Variants in KAT6B observed in about 807,000 individuals in gnomAD.
KAT6B encodes the protein lysine acetyltransferase 6B.
In KAT6B, 10 loss-of-function variants were observed where a neutral mutation model predicts 187.5. That is an observed-to-expected ratio of 0.05 (90% CI 0.03 to 0.09). KAT6B has a LOEUF of 0.09. Ranked by LOEUF, KAT6B falls within the 10% of genes least tolerant of loss-of-function variation. The pLI, the probability that KAT6B is intolerant of heterozygous loss-of-function variation, is 1.00. For missense variants in KAT6B, 1,952 were observed against 2,558.9 expected (o/e 0.76, Z 5.12); for synonymous variants, 861 against 926.8 (o/e 0.93, Z 1.29).
At chr10:74,849,199 C>G (rs1488979909) in intron 3 of KAT6B, among the ~76,000 whole-genome samples, 1 of 152,062 alleles carries the variant, frequency 6.6e-6, no homozygotes, top group Non-Finnish European at 1.5e-5. Flanking sequence ...CCAGGCTGGC[C>G]TTGAACTCCT....
At chr10:74,958,322 T>C (rs1840834647) in intron 3 of KAT6B, among the ~76,000 whole-genome samples, 1 of 152,236 alleles carries the variant, frequency 6.6e-6, no homozygotes, top group Non-Finnish European at 1.5e-5. Flanking sequence ...GCTGAACAAA[T>C]GAAGTTTATT....
intron 3 of KAT6B, among the ~76,000 whole-genome samples, chr10:74,879,846 G>A (rs1360477426): frequency 6.6e-6 from 1 of 152,154 alleles, no homozygotes; most frequent in Non-Finnish European, 1.5e-5. Context: ...TGTAATCCCA[G>A]CACTTTGGGA....
intron 1 of KAT6B, among the ~76,000 whole-genome samples, chr10:74,834,859 C>T (rs1841168081): frequency 6.6e-6 from 1 of 152,202 alleles, no homozygotes. Flanking sequence ...TATACCTGTT[C>T]TAGTCAGGCA....
chr10:74,991,592 G>C (rs1843125958), intron 13 of KAT6B, among the ~76,000 whole-genome samples: 1 of 152,202 alleles, frequency 6.6e-6, no homozygotes. Context: ...CTGTCCACCA[G>C]GATGTGAGCA....
At chr10:74,926,892 G>T (rs926498896) in intron 3 of KAT6B, among the ~76,000 whole-genome samples, 1 of 152,192 alleles carries the variant, frequency 6.6e-6, no homozygotes, top group African/African-American at 2.4e-5. Flanking sequence ...AGTCAGCTCT[G>T]TGTCAATCCT....
intron 3 of KAT6B, among the ~76,000 whole-genome samples, chr10:74,942,807 C>T (rs1175587059): frequency 7.8e-6 from 1 of 127,878 alleles, no homozygotes; most frequent in African/African-American, 3.1e-5. Context: ...TAGCTAATGT[C>T]ATTATTAACA....
chr10:74,915,280 A>G (rs1374992632), intron 3 of KAT6B, among the ~76,000 whole-genome samples: 1 of 152,194 alleles, frequency 6.6e-6, no homozygotes, highest in Non-Finnish European at 1.5e-5. Context: ...TGATAAATGC[A>G]TACTCTCTTC....
intron 4 of KAT6B, among the ~76,000 whole-genome samples, chr10:74,962,176 GTACATA>G (rs1377755813): frequency 1.3e-5 from 2 of 152,166 alleles, no homozygotes; most frequent in Non-Finnish European, 2.9e-5. Context: ...GAAATGCTTT[GTACATA>G]TTTATTCATC....
At chr10:74,862,668 T>A (rs1033028319) in intron 3 of KAT6B, among the ~76,000 whole-genome samples, 9 of 152,196 alleles carry the variant, frequency 5.9e-5, no homozygotes, top group Non-Finnish European at 1.2e-4. Context: ...TAGAGATCGT[T>A]CTGAAGGAGT....
chr10:74,851,416 C>G (rs577324670), intron 3 of KAT6B, among the ~76,000 whole-genome samples: 2 of 151,120 alleles, frequency 1.3e-5, no homozygotes, highest in African/African-American at 4.9e-5. Flanking sequence ...TCACTACAAC[C>G]TCCGCCTCCC....
At chr10:74,839,552 C>T (rs11001177) in intron 2 of KAT6B, among the ~76,000 whole-genome samples, 16,297 of 152,070 alleles carry the variant, frequency 0.11, 1,252 homozygotes, top group South Asian at 0.28. Context: ...TTTTAATGTA[C>T]GTTCGTTTGC....
intron 13 of KAT6B, among the ~76,000 whole-genome samples, chr10:74,990,319 C>A (rs1205240110): frequency 1.3e-5 from 2 of 149,160 alleles, no homozygotes. Context: ...GGACTTTGCA[C>A]AATCTTCATC....
chr10:75,009,064 A>G (rs1844414330), intron 13 of KAT6B, among the ~76,000 whole-genome samples: 1 of 152,228 alleles, frequency 6.6e-6, no homozygotes, highest in South Asian at 2.1e-4. Context: ...ACTTGTCTAT[A>G]ATCACACACT....
intron 3 of KAT6B, among the ~76,000 whole-genome samples, chr10:74,925,424 A>AC (rs1041195608): frequency 1.2e-4 from 3 of 25,874 alleles, no homozygotes; most frequent in Non-Finnish European, 2.3e-4. Context: ...TTTTCCCCCC[A>AC]CAAGTGAAGA....
chr10:74,994,013 G>A (rs1426159451), intron 13 of KAT6B, among the ~76,000 whole-genome samples: 1 of 152,032 alleles, frequency 6.6e-6, no homozygotes, highest in African/African-American at 2.4e-5. Flanking sequence ...AAGATACTTT[G>A]GGATTATATA....
intron 13 of KAT6B, among the ~76,000 whole-genome samples, chr10:75,004,477 C>T (rs1844066685): frequency 6.6e-6 from 1 of 152,206 alleles, no homozygotes; most frequent in African/African-American, 2.4e-5. Context: ...TCCCATCCTT[C>T]AGCAAACATG....
chr10:74,920,888 A>G (rs1166205633), intron 3 of KAT6B, among the ~76,000 whole-genome samples: 1 of 152,162 alleles, frequency 6.6e-6, no homozygotes, highest in African/African-American at 2.4e-5. Context: ...CTAACCACTG[A>G]AACCCTGGGC....
intron 3 of KAT6B, among the ~76,000 whole-genome samples, chr10:74,927,452 C>CTTTTT (rs11479404): frequency 8.6e-6 from 1 of 116,688 alleles, no homozygotes; most frequent in African/African-American, 3.4e-5. Flanking sequence ...TGCAAGAAAC[C>CTTTTT]TTTTTTTTTT....
chr10:74,961,279 C>T (rs1157153963), intron 4 of KAT6B, among the ~76,000 whole-genome samples: 1 of 152,194 alleles, frequency 6.6e-6, no homozygotes, highest in African/African-American at 2.4e-5. Flanking sequence ...CTCATCAGTT[C>T]TGACTCTGTC....
Sources: allele counts gnomAD v4.1 joint callset (sites outside exome capture counted in the v4.1 genomes callset), GRCh38; gene constraint gnomAD v4.1.1; transcripts MANE v1.5; gene names NCBI Gene and HGNC (gene_info 2026-07-23, HGNC 2026-07-21).